The following ODR4 variants were observed in gnomAD, a reference collection of about 807,000 sequenced individuals.
ODR4 encodes the protein protein odr-4 homolog.
In ODR4, 47 loss-of-function variants were observed where a neutral mutation model predicts 60.2. That is an observed-to-expected ratio of 0.78 (90% CI 0.62 to 1.00). ODR4 has a LOEUF of 1.00. ODR4 is among the 50% of genes least tolerant of loss of function. The pLI is 0.00. For missense variants in ODR4, 488 were observed against 530.8 expected, an observed-to-expected ratio of 0.92 and a Z score of 0.79; for synonymous variants, 178 against 175.5, an observed-to-expected ratio of 1.01 and a Z score of -0.11.
At chr1:186,418,385 G>T (rs1661665065) in intron 13 of ODR4, among the ~76,000 whole-genome samples, 1 of 151,240 alleles carries the variant, frequency 6.6e-6, no homozygotes, top group Non-Finnish European at 1.5e-5. Context: ...CCGCTTCCCG[G>T]GTTCACGCCA....
chr1:186,385,084 T>A (rs1660203320), intron 3 of ODR4, among the ~76,000 whole-genome samples: 1 of 152,002 alleles, frequency 6.6e-6, no homozygotes. Flanking sequence ...ATGTATAACT[T>A]CTTAAACCAG....
At chr1:186,429,124 G>T in the ODR4 span, among the ~76,000 whole-genome samples, 1 of 152,052 alleles carries the variant, frequency 6.6e-6, no homozygotes, top group African/African-American at 2.4e-5. Context: ...GTTGGCACAT[G>T]CCTGTAGTCC....
chr1:186,383,234 T>A, intron 3 of ODR4, 78 bp downstream of exon 3: 1 of 1,428,272 alleles, frequency 7.0e-7, no homozygotes, highest in Non-Finnish European at 9.4e-7. Flanking sequence ...AGTGAATGAG[T>A]AGAGAGAAGA....
intron 2 of ODR4, 29 bp from the exon 3 acceptor site, chr1:186,382,993 C>CTT (rs1213102276): frequency 4.5e-6 from 7 of 1,564,400 alleles, no homozygotes; most frequent in Non-Finnish European, 4.3e-6. Context: ...AGATATCACT[C>CTT]TAACAAGCTT....
intron 10 of ODR4, 144 bp downstream of exon 10, chr1:186,398,585 A>G (rs1571681996): frequency 3.7e-6 from 3 of 820,382 alleles, no homozygotes; most frequent in Non-Finnish European, 3.5e-6. Flanking sequence ...AATGTACCAT[A>G]TAATTGGTGT....
intron 2 of ODR4, 74 bp from the exon 3 acceptor site, chr1:186,382,948 G>T (rs575185798): frequency 1.4e-6 from 2 of 1,436,404 alleles, no homozygotes; most frequent in South Asian, 2.8e-5. Flanking sequence ...AAAAGCTAAG[G>T]AATTTAGGTA....
chr1:186,417,744 T>C, intron 13 of ODR4, 90 bp downstream of exon 13: 1 of 730,906 alleles, frequency 1.4e-6, no homozygotes, highest in Middle Eastern at 4.0e-4. Context: ...TCATTTCTCT[T>C]TCTTAAGATT....
intron 12 of ODR4, among the ~76,000 whole-genome samples, chr1:186,414,152 G>A (rs2102089340): frequency 6.6e-6 from 1 of 152,184 alleles, no homozygotes; most frequent in Admixed American, 6.5e-5. Flanking sequence ...CAAATAAATT[G>A]CTGTGATAAG....
intron 5 of ODR4, among the ~76,000 whole-genome samples, chr1:186,388,968 A>G (rs537431675): frequency 1.3e-5 from 2 of 152,328 alleles, no homozygotes; most frequent in East Asian, 1.9e-4. Flanking sequence ...GGTATAGGAC[A>G]TCGGAGAAAT....
downstream of ODR4, among the ~76,000 whole-genome samples, chr1:186,424,233 C>T (rs546474784): frequency 8.5e-5 from 13 of 152,178 alleles, no homozygotes; most frequent in African/African-American, 3.1e-4. Context: ...ATACAACAAC[C>T]CAGAGTAATC....
At position 186,409,490 on chromosome 1, in the gene ODR4, T is replaced by A. The variant is rs190321785; in HGVS notation, c.1186+3222T>A. ...TAAATTATTTATTTTGTCCTATGGA[T>A]TAGAGTCCAAAGAACAACAAAATGC... On this transcript the variant is annotated intron_variant, in intron 12 of 13. Transcript: ENST00000287859. 1.2e-3 allele frequency among the ~76,000 whole-genome samples: 183 copies of A among 152,368 alleles called. 1 individual carries two copies. The highest frequency in any genetic ancestry group is 4.2e-3 in the African/African-American group (174 of 41,590).
At chr1:186,433,563 A>C in the ODR4 span, among the ~76,000 whole-genome samples, 4 of 151,958 alleles carry the variant, frequency 2.6e-5, no homozygotes, top group African/African-American at 9.7e-5. Context: ...TATTAGTTAC[A>C]ATGCTTTATT....
At position 186,421,022 on chromosome 1, in the gene ODR4, C is replaced by A. The variant is rs1391577794; in HGVS notation, c.*1946C>A. 6.6e-6 allele frequency: 1 copy of A among 152,140 alleles called. No homozygotes were observed. The highest frequency in any genetic ancestry group is 1.5e-5 in the Non-Finnish European group (1 of 68,008). The allele number at this position is 152,140 out of a possible 1,614,324, so 9.4% of individuals were successfully genotyped here. ...GAGAAAAAGATCAGTGAAAGCAAGA[C>A]AGTCAAATACTTAGTAGGCTTCCTA... is the stretch of plus-strand genomic sequence containing the variant. On this transcript the variant is annotated 3_prime_UTR_variant, in exon 14 of 14. Coordinates refer to ENST00000287859, the MANE Select transcript of ODR4 (RefSeq NM_017847.6).
chr1:186,382,708 T>C (rs1306898864), intron 2 of ODR4, among the ~76,000 whole-genome samples: 1 of 152,242 alleles, frequency 6.6e-6, no homozygotes, highest in African/African-American at 2.4e-5. Context: ...TTTTAGTTAA[T>C]GTAATTCATT....
chr1:186,395,162 T>C (rs924720542), intron 9 of ODR4, among the ~76,000 whole-genome samples: 1 of 152,190 alleles, frequency 6.6e-6, no homozygotes, highest in African/African-American at 2.4e-5. Flanking sequence ...TGGTGCGATC[T>C]CGGCTCACTG....
chr1:186,409,973 C>A (rs1661310360), intron 12 of ODR4, among the ~76,000 whole-genome samples: 1 of 152,182 alleles, frequency 6.6e-6, no homozygotes. Flanking sequence ...TTCTATAATA[C>A]TTTACATACT....
At chr1:186,400,719 C>A in intron 11 of ODR4, 2 of 235,846 alleles carry the variant, frequency 8.5e-6, no homozygotes, top group Non-Finnish European at 1.6e-5. Context: ...TTTTATATTC[C>A]TAGTATGCTG....
chr1:186,424,254 T>C (rs1259892870), downstream of ODR4, among the ~76,000 whole-genome samples: 1 of 152,212 alleles, frequency 6.6e-6, no homozygotes, highest in Non-Finnish European at 1.5e-5. Context: ...TTAAAAATGA[T>C]AAAGCAAGTC....
Position 186,379,782 on chromosome 1 carries a change from A to G in ODR4, c.-4A>G. 6.4e-7 allele frequency: 1 copy of G among 1,563,996 alleles called. No individual in the cohort carries two copies. Among genetic ancestry groups the G allele is most frequent in the Non-Finnish European group, 8.6e-7 (1 of 1,157,496 alleles). On this transcript the variant is annotated 5_prime_UTR_variant, in exon 2 of 14. Coordinates refer to ENST00000287859, the MANE Select transcript of ODR4 (RefSeq NM_017847.6). ...TGTGATATAGGAGATTTTAGTTCCT[A>G]AAAATGGGAAGAACCTACATTGTAG... is the stretch of plus-strand genomic sequence containing the variant.
Sources: gnomAD v4.1 joint callset for allele counts (sites outside exome capture counted in the v4.1 genomes callset) on GRCh38, gnomAD v4.1.1 for gene constraint, MANE v1.5 for transcripts, NCBI Gene and HGNC (gene_info 2026-07-23, HGNC 2026-07-21) for gene names.